FBXW7: variants seen among roughly 807,000 people sequenced by gnomAD.
FBXW7 encodes F-box/WD repeat-containing protein 7.
Under a neutral mutation model 86.3 loss-of-function variants are expected in FBXW7, and 11 were observed. The observed-to-expected ratio is 0.13, with a 90% CI of 0.08 to 0.21. The LOEUF (loss-of-function observed/expected upper bound fraction) is 0.21, where lower values mean the gene tolerates loss of function less well. Ranked by LOEUF, FBXW7 falls within the 10% of genes least tolerant of loss-of-function variation. The pLI is 1.00. For missense variants in FBXW7, 488 were observed against 847.4 expected (o/e 0.58, Z 5.27); for synonymous variants, 313 against 297.9 (o/e 1.05, Z -0.52).
intron 4 of FBXW7, among the ~76,000 whole-genome samples, chr4:152,390,898 A>T (rs1735943002): frequency 6.6e-6 from 1 of 151,984 alleles, no homozygotes; most frequent in South Asian, 2.1e-4. Flanking sequence ...ATAATGCAGA[A>T]GGCTCAACCA....
intron 2 of FBXW7, among the ~76,000 whole-genome samples, chr4:152,520,573 TACTC>T (rs1365444663): frequency 6.6e-6 from 1 of 151,876 alleles, no homozygotes; most frequent in African/African-American, 2.4e-5. Context: ...TAAGAGTACA[TACTC>T]ACTTAATTTG....
chr4:152,367,387 A>G lies in FBXW7; in HGVS notation c.502-17263T>C, dbSNP rs996241871. ...CCTTTAAAATTAAATTGAATACTACATATGTTACACAAAATTGCCTAGCTT... is the reference window on the plus strand; with the variant it reads ...CCTTTAAAATTAAATTGAATACTACGTATGTTACACAAAATTGCCTAGCTT... On this transcript the variant is annotated intron_variant, in intron 4 of 13. Transcript: ENST00000281708. 4.6e-5 allele frequency among the ~76,000 whole-genome samples: 7 copies of G among 152,124 alleles called. No homozygotes were observed. The East Asian group carries it at 9.6e-4, about 21-fold the overall frequency.
intron 2 of FBXW7, among the ~76,000 whole-genome samples, chr4:152,526,944 T>G (rs186815361): frequency 1.3e-5 from 2 of 152,248 alleles, no homozygotes; most frequent in Non-Finnish European, 2.9e-5. Context: ...ACAGAATTAC[T>G]TCAGTATTAT....
chr4:152,419,635 A>AGAG (rs1246220662), intron 2 of FBXW7, among the ~76,000 whole-genome samples: 1 of 152,090 alleles, frequency 6.6e-6, no homozygotes, highest in African/African-American at 2.4e-5. Flanking sequence ...CCACACACAC[A>AGAG]GAGGAGGAGG....
rs1480032787 is a variant in FBXW7 at position 152,535,436 on chromosome 4, C to A, written c.-522G>T. On this transcript the variant is annotated 5_prime_UTR_variant, in exon 1 of 14. Transcript: ENST00000281708. Reference sequence around the variant, plus strand: ...GAAGGTGAGGAAAGGACGGCGGCGTCGGTCCTGTTCTCTCCGCCGCCCCAG... The same window carrying A: ...GAAGGTGAGGAAAGGACGGCGGCGTAGGTCCTGTTCTCTCCGCCGCCCCAG... 3 of 389,870 alleles carry A rather than the reference C, an allele frequency of 7.7e-6. No homozygotes were observed. The highest frequency in any genetic ancestry group is 1.4e-5 in the Non-Finnish European group (3 of 220,842). The allele number at this position is 389,870 out of a possible 1,614,324, so 24.2% of individuals were successfully genotyped here. A position where few individuals can be genotyped will look rare whatever the true frequency, so the allele number is the denominator to read the frequency against.
At chr4:152,447,183 C>T (rs1321591724) in intron 2 of FBXW7, among the ~76,000 whole-genome samples, 9 of 152,190 alleles carry the variant, frequency 5.9e-5, no homozygotes, top group Non-Finnish European at 1.2e-4. Context: ...TTGAATACCA[C>T]ATGTGATGAC....
At chr4:152,528,396 A>G (rs115237048) in intron 2 of FBXW7, among the ~76,000 whole-genome samples, 2,183 of 152,246 alleles carry the variant, frequency 0.014, 34 homozygotes, top group East Asian at 0.042. Context: ...TTTGTTTCTG[A>G]TTTTCAACTA....
chr4:152,453,467 A>G (rs1378793402), intron 2 of FBXW7, among the ~76,000 whole-genome samples: 1 of 152,154 alleles, frequency 6.6e-6, no homozygotes, highest in Non-Finnish European at 1.5e-5. Context: ...CACCTACCAC[A>G]TGCTATGCAG....
intron 2 of FBXW7, among the ~76,000 whole-genome samples, chr4:152,486,077 A>G (rs928515245): frequency 6.6e-6 from 1 of 152,208 alleles, no homozygotes; most frequent in Non-Finnish European, 1.5e-5. Context: ...GCGTCTGAGA[A>G]TATCTAGACA....
chr4:152,509,718 G>A (rs1340529088), intron 2 of FBXW7, among the ~76,000 whole-genome samples: 1 of 151,990 alleles, frequency 6.6e-6, no homozygotes, highest in African/African-American at 2.4e-5. Context: ...GTTGTTTTTT[G>A]AATCAGTAAG....
intron 2 of FBXW7, among the ~76,000 whole-genome samples, chr4:152,457,623 G>T (rs1001001678): frequency 6.4e-5 from 8 of 124,176 alleles, no homozygotes; most frequent in Non-Finnish European, 1.1e-4. Context: ...CAGCCTGGGT[G>T]ACAGAGCAAG....
chr4:152,399,750 A>G (rs547350999), intron 4 of FBXW7, among the ~76,000 whole-genome samples: 4 of 152,300 alleles, frequency 2.6e-5, no homozygotes, highest in Admixed American at 2.6e-4. Flanking sequence ...GAATCTAATA[A>G]AATATGTATA....
intron 4 of FBXW7, among the ~76,000 whole-genome samples, chr4:152,351,299 G>T (rs200988290): frequency 6.6e-6 from 1 of 151,992 alleles, no homozygotes; most frequent in Non-Finnish European, 1.5e-5. Flanking sequence ...TTGTCATCAC[G>T]AAGAGTTTTC....
intron 2 of FBXW7, among the ~76,000 whole-genome samples, chr4:152,462,671 T>A (rs900947552): frequency 6.6e-6 from 1 of 152,240 alleles, no homozygotes; most frequent in African/African-American, 2.4e-5. Context: ...GCTTTTTTGG[T>A]TACTTTCCAT....
chr4:152,338,618 T>C (rs959027732), intron 6 of FBXW7, among the ~76,000 whole-genome samples: 1 of 152,030 alleles, frequency 6.6e-6, no homozygotes, highest in Non-Finnish European at 1.5e-5. Context: ...ACAATCATGC[T>C]TCAGAAATAA....
At chr4:152,359,319 G>A (rs919385226) in intron 4 of FBXW7, among the ~76,000 whole-genome samples, 2 of 152,150 alleles carry the variant, frequency 1.3e-5, no homozygotes, top group African/African-American at 4.8e-5. Flanking sequence ...TAAGAAATGA[G>A]GCTGGGTGTG....
At chr4:152,445,734 C>G (rs577591042) in intron 2 of FBXW7, among the ~76,000 whole-genome samples, 1 of 151,746 alleles carries the variant, frequency 6.6e-6, no homozygotes, top group Non-Finnish European at 1.5e-5. Flanking sequence ...ATGGCAGAAC[C>G]CCATCTCTAT....
intron 2 of FBXW7, among the ~76,000 whole-genome samples, chr4:152,460,863 T>C (rs1434371367): frequency 6.6e-6 from 1 of 152,226 alleles, no homozygotes; most frequent in East Asian, 1.9e-4. Flanking sequence ...TTTAGATGCA[T>C]GTTCAAACAT....
At chr4:152,514,692 G>A (rs1353845406) in intron 2 of FBXW7, among the ~76,000 whole-genome samples, 1 of 151,986 alleles carries the variant, frequency 6.6e-6, no homozygotes, top group Non-Finnish European at 1.5e-5. Flanking sequence ...CTCCTTTCCT[G>A]CCTCACCATG....
Sources: allele counts gnomAD v4.1 joint callset (sites outside exome capture counted in the v4.1 genomes callset), GRCh38; gene constraint gnomAD v4.1.1; transcripts MANE v1.5; gene names NCBI Gene and HGNC (gene_info 2026-07-23, HGNC 2026-07-21).